ZNF713: variants seen among roughly 807,000 people sequenced by gnomAD.
ZNF713 encodes zinc finger protein 713.
A neutral mutation model predicts 28.7 loss-of-function variants in ZNF713; 21 were observed. That is an observed-to-expected ratio of 0.73 (90% CI 0.52 to 1.05). The LOEUF (loss-of-function observed/expected upper bound fraction) is 1.05. Among genes scored for constraint, ZNF713 ranks in the 50% least tolerant of loss-of-function variants. The pLI is 0.00. For synonymous variants in ZNF713, 167 were observed against 178.0 expected (o/e 0.94, Z 0.49); for missense variants, 458 against 532.4 (o/e 0.86, Z 1.37).
chr7:55,889,528 A>G (rs569244435), intron 1 of ZNF713, among the ~76,000 whole-genome samples: 6 of 152,348 alleles, frequency 3.9e-5, no homozygotes, highest in Non-Finnish European at 5.9e-5. Context: ...TTCTAAATAG[A>G]TAGTTATTCG....
chr7:55,896,612 T>TATAC (rs1554335343), intron 1 of ZNF713, among the ~76,000 whole-genome samples: 19 of 151,132 alleles, frequency 1.3e-4, no homozygotes, highest in African/African-American at 4.4e-4. Context: ...TATATATATA[T>TATAC]ACACACACAT....
chr7:55,925,394 G>T (rs13223053), intron 6 of ZNF713, among the ~76,000 whole-genome samples: 3,432 of 152,134 alleles, frequency 0.023, 62 homozygotes, highest in African/African-American at 0.043. Flanking sequence ...AGGCCGAGGC[G>T]GGCAGATCAC....
At chr7:55,904,611 TGA>T (rs1364317472) in intron 1 of ZNF713, among the ~76,000 whole-genome samples, 3 of 151,372 alleles carry the variant, frequency 2.0e-5, no homozygotes, top group African/African-American at 7.3e-5. Context: ...AAATGGGCGA[TGA>T]GGAAGTAGAG....
intron 6 of ZNF713, among the ~76,000 whole-genome samples, chr7:55,936,466 C>A (rs138769989): frequency 2.6e-5 from 4 of 152,204 alleles, no homozygotes; most frequent in African/African-American, 9.6e-5. Flanking sequence ...ATGATACTGC[C>A]TTTTACCATC....
rs1403922052 is a variant in ZNF713, at chr7:55,942,140, C to T, written c.*2134C>T. The T allele has an allele frequency of 1.3e-5, 2 of 152,214 alleles. No homozygotes were observed. Among genetic ancestry groups the T allele is most frequent in the Non-Finnish European group, 2.9e-5 (2 of 68,024 alleles). The allele number at this position is 152,214 out of a possible 1,614,324, so 9.4% of individuals were successfully genotyped here. A position where few individuals can be genotyped will look rare whatever the true frequency, so the allele number is the denominator to read the frequency against. On this transcript the variant is annotated 3_prime_UTR_variant, in exon 7 of 7. Coordinates refer to ENST00000429591, the MANE Select transcript of ZNF713 (RefSeq NM_182633.3). ...GAAGATGGAGAAGTGAGGAACTGTA[C>T]CTGCGGGTGAGCCCTGGTGCCATGT...
At chr7:55,889,088 T>C (rs552152964) in intron 1 of ZNF713, among the ~76,000 whole-genome samples, 32 of 147,416 alleles carry the variant, frequency 2.2e-4, no homozygotes, top group Admixed American at 1.7e-3. Flanking sequence ...CTTAATTGTG[T>C]CCTTTCATAT....
intron 6 of ZNF713, chr7:55,923,984 T>G (rs992791813): frequency 2.9e-5 from 6 of 206,332 alleles, no homozygotes; most frequent in Middle Eastern, 2.0e-3. Context: ...ATTACAGATA[T>G]CCACACAGCA....
At chr7:55,909,196 CAAAAA>C (rs71015121) in intron 2 of ZNF713, among the ~76,000 whole-genome samples, 1 of 53,358 alleles carries the variant, frequency 1.9e-5, no homozygotes. Context: ...AAGACTCCGT[CAAAAA>C]AAAAAAAAAA....
At chr7:55,905,939 T>C (rs1785670912) in intron 1 of ZNF713, among the ~76,000 whole-genome samples, 2 of 151,778 alleles carry the variant, frequency 1.3e-5, no homozygotes, top group Non-Finnish European at 2.9e-5. Flanking sequence ...CCGTCTCTAC[T>C]AAAAATACAA....
chr7:55,919,192 A>G (rs1006929362), intron 4 of ZNF713, among the ~76,000 whole-genome samples: 7 of 152,206 alleles, frequency 4.6e-5, no homozygotes, highest in African/African-American at 1.7e-4. Flanking sequence ...TTTGAAAAGA[A>G]AACTTTCTCA....
rs71533249 is a variant in ZNF713 at position 55,927,896 on chromosome 7, C to CAAAAAAAAAAAA, written c.307+4210_307+4221dup. On this transcript the variant is annotated intron_variant, in intron 6 of 6. Coordinates refer to ENST00000429591, the MANE Select transcript of ZNF713 (RefSeq NM_182633.3). ...TGGGTGACAGAGCAAGACTCTGTCT[C>CAAAAAAAAAAAA]AAAAAAAAAAAAAAAAAAAAAAAAG... is the stretch of plus-strand genomic sequence containing the variant. Among the ~76,000 whole-genome samples the CAAAAAAAAAAAA allele has an allele frequency of 1.7e-3, 77 of 44,938 alleles. 22 individuals are homozygous for CAAAAAAAAAAAA. Among genetic ancestry groups the CAAAAAAAAAAAA allele is most frequent in the East Asian group, 0.011 (12 of 1,072 alleles). The allele number at this position is 44,938 out of a possible 152,430, so 29.5% of individuals were successfully genotyped here. A position where few individuals can be genotyped will look rare whatever the true frequency, so the allele number is the denominator to read the frequency against.
In ZNF713 at chr7:55,940,399, C is replaced by T. The variant is rs1434752317; in HGVS notation, c.*393C>T. On this transcript the variant is annotated 3_prime_UTR_variant, in exon 7 of 7. Coordinates refer to ENST00000429591, the MANE Select transcript of ZNF713 (RefSeq NM_182633.3). The stretch of plus-strand genomic sequence containing the variant: ...TCGGCCTCCCAAAGTGCTGGGATTA[C>T]AGGCGTGGGCCACTGCGCCTGGCCA... The T allele has an allele frequency of 2.6e-5, 26 of 985,342 alleles. No homozygotes were observed. Among genetic ancestry groups the T allele is most frequent in the Non-Finnish European group, 2.7e-5 (22 of 828,018 alleles). The allele number at this position is 985,342 out of a possible 1,614,324, so 61.0% of individuals were successfully genotyped here.
intron 6 of ZNF713, among the ~76,000 whole-genome samples, chr7:55,929,677 C>T (rs1285624459): frequency 6.6e-6 from 1 of 151,824 alleles, no homozygotes; most frequent in Non-Finnish European, 1.5e-5. Context: ...ACCGCCTGAG[C>T]CTGGAAGGTG....
chr7:55,912,570 G>T, intron 3 of ZNF713, 65 bp from the exon 4 acceptor site: 1 of 1,210,452 alleles, frequency 8.3e-7, no homozygotes, highest in South Asian at 1.3e-5. Context: ...ACACAAAGCA[G>T]AATCTCCAGG....
chr7:55,891,910 G>GA (rs908212119), intron 1 of ZNF713, among the ~76,000 whole-genome samples: 22 of 152,014 alleles, frequency 1.4e-4, no homozygotes, highest in Non-Finnish European at 2.5e-4. Flanking sequence ...TTAAATCATA[G>GA]AAAAAAAGTA....
At chr7:55,892,947 A>G (rs1348993845) in intron 1 of ZNF713, among the ~76,000 whole-genome samples, 1 of 149,720 alleles carries the variant, frequency 6.7e-6, no homozygotes, top group Non-Finnish European at 1.5e-5. Flanking sequence ...CAGTGGTGTG[A>G]TCTCTGCTCA....
chr7:55,923,453 G>T, intron 5 of ZNF713, 154 bp from the exon 6 acceptor site: 1 of 1,088,352 alleles, frequency 9.2e-7, no homozygotes, highest in Non-Finnish European at 1.3e-6. Flanking sequence ...CTCCTCCAAT[G>T]GAATGTCTTG....
rs146405974 is a variant in ZNF713 at position 55,918,008 on chromosome 7, C to A, written c.88-5154C>A. 8.0e-4 allele frequency: 364 copies of A among 455,430 alleles called. 2 individuals carry two copies. Among genetic ancestry groups the A allele is most frequent in the African/African-American group, 6.5e-3 (324 of 50,180 alleles). 28.2% of individuals were successfully genotyped at this position (455,430 alleles called of 1,614,324 possible). ...AAATACCTCCCATCCCAAATGCTTT[C>A]TTGCAAGTGACTTTGACACTCATCC... On this transcript the variant is annotated intron_variant, in intron 4 of 6. Coordinates refer to ENST00000429591, the MANE Select transcript of ZNF713 (RefSeq NM_182633.3).
intron 1 of ZNF713, among the ~76,000 whole-genome samples, chr7:55,892,555 C>CGAAAAAAAA (rs574054003): frequency 4.0e-5 from 3 of 74,366 alleles, no homozygotes; most frequent in Non-Finnish European, 6.9e-5. Context: ...AAGCACTGAC[C>CGAAAAAAAA]AAAAAAAAAA....
Sources: allele counts gnomAD v4.1 joint callset (sites outside exome capture counted in the v4.1 genomes callset), GRCh38; gene constraint gnomAD v4.1.1; transcripts MANE v1.5; gene names NCBI Gene and HGNC (gene_info 2026-07-23, HGNC 2026-07-21).